AMOTL1: variants seen among roughly 807,000 people sequenced by gnomAD.
AMOTL1 encodes angiomotin like 1.
AMOTL1 carries 45 observed loss-of-function variants against 102.9 expected under a neutral mutation model. That is an observed-to-expected ratio of 0.44 (90% confidence interval 0.34 to 0.56). The LOEUF is 0.56. Among genes scored for constraint, AMOTL1 ranks in the 20% least tolerant of loss-of-function variants. The pLI is 0.01. For missense variants in AMOTL1, 1,114 were observed against 1,225.6 expected, an observed-to-expected ratio of 0.91 and a Z score of 1.36; for synonymous variants, 481 against 484.7, an observed-to-expected ratio of 0.99 and a Z score of 0.10.
At chr11:94,833,477 T>A (rs1033455272) in intron 6 of AMOTL1, among the ~76,000 whole-genome samples, 4 of 152,266 alleles carry the variant, frequency 2.6e-5, no homozygotes, top group Non-Finnish European at 5.9e-5. Flanking sequence ...CAGTTGTTTT[T>A]AATCTTTGTT....
chr11:94,865,836 G>A (rs1952871347), intron 10 of AMOTL1, 106 bp from the exon 11 acceptor site: 14 of 940,718 alleles, frequency 1.5e-5, no homozygotes, highest in Non-Finnish European at 2.1e-5. Context: ...GCTTCATCCT[G>A]TATCCCTAAA....
rs758755688 is a variant in AMOTL1, at chr11:94,869,215, G to C, written c.2506G>C (p.Glu836Gln). 3 of 1,597,340 alleles carry C rather than the reference G, an allele frequency of 1.9e-6. No individual in the cohort carries two copies. The highest frequency in any genetic ancestry group is 2.7e-5 in the African/African-American group (2 of 74,368). The change falls in exon 12 of 13, where the codon GAG (glutamate) becomes CAG (glutamine). Residue 836 changes from glutamate (E) to glutamine (Q), a missense_variant. Transcript: ENST00000433060. ...KGSIGLLLGKEHHEHASAPLL... is the reference protein window; with the variant it reads ...KGSIGLLLGKQHHEHASAPLL... Reference sequence around the variant, plus strand: ...GCCCTCAGGATTGCTGCTGGGGAAGGAGCACCATGAGCATGCCTCTGCCCC... The same window carrying C: ...GCCCTCAGGATTGCTGCTGGGGAAGCAGCACCATGAGCATGCCTCTGCCCC...
chr11:94,706,922 A>T (rs1949937762), intron 1 of AMOTL1, among the ~76,000 whole-genome samples: 1 of 152,156 alleles, frequency 6.6e-6, no homozygotes. Flanking sequence ...GGCTAGGGCC[A>T]TCCATACCTC....
At chr11:94,742,327 T>C (rs1036796927) in intron 3 of AMOTL1, among the ~76,000 whole-genome samples, 1 of 152,258 alleles carries the variant, frequency 6.6e-6, no homozygotes, top group African/African-American at 2.4e-5. Flanking sequence ...AATTGTATGT[T>C]AATGACACCA....
intron 2 of AMOTL1, among the ~76,000 whole-genome samples, chr11:94,729,334 G>C (rs1317837608): frequency 1.3e-5 from 2 of 152,152 alleles, no homozygotes; most frequent in East Asian, 1.9e-4. Flanking sequence ...AGGACCATCA[G>C]CTGTCATGTA....
At position 94,859,504 on chromosome 11, in the gene AMOTL1, A is replaced by G. The variant is rs771593232; in HGVS notation, c.1945-21A>G. On this transcript the variant is annotated intron_variant, in intron 8 of 12. Transcript: ENST00000433060. The stretch of plus-strand genomic sequence containing the variant: ...CATTGATGTGGTTTTGAGCATCAAG[A>G]TTTTTTTTCTACTCCTTCAGAAACA... The G allele has an allele frequency of 2.6e-5, 41 of 1,598,168 alleles. No individual in the cohort carries two copies. In the Admixed American group the frequency reaches 6.0e-4, roughly 23 times the overall value.
rs998534076 is a variant in AMOTL1, at chr11:94,799,600, A to G, written c.410A>G (p.Asn137Ser). Residue 137 changes from asparagine to serine, a missense_variant, in exon 3 of 13, where the codon AAC (asparagine) becomes AGC (serine). Physicochemically the swap from Asn to Ser is conservative, Grantham distance 46. Coordinates refer to ENST00000433060, the MANE Select transcript of AMOTL1 (RefSeq NM_130847.3). This position sits in a 1 kb window ranked among gnomAD's most constrained non-coding sequence, Gnocchi z 4.5. The stretch of plus-strand genomic sequence containing the variant: ...GCAGGACCAGCCCATCCTACAAACA[A>G]CTTTTCTTCCACGGAAAACCTCACT... ...GSAGPAHPTNNFSSTENLTQE... is the reference protein window; with the variant it reads ...GSAGPAHPTNSFSSTENLTQE... The G allele has an allele frequency of 4.3e-6, 7 of 1,613,778 alleles. No homozygotes were observed. The Admixed American group carries it at 6.7e-5, about 15-fold the overall frequency.
intron 1 of AMOTL1, among the ~76,000 whole-genome samples, chr11:94,775,262 C>T (rs1206637671): frequency 2.0e-5 from 3 of 152,132 alleles, no homozygotes; most frequent in African/African-American, 7.2e-5. Flanking sequence ...TAGACATATG[C>T]AGGGACCATG....
chr11:94,816,546 T>A (rs1197309660), intron 3 of AMOTL1, among the ~76,000 whole-genome samples: 1 of 152,212 alleles, frequency 6.6e-6, no homozygotes, highest in African/African-American at 2.4e-5. Context: ...CATTTTATAT[T>A]TTATTGAAAT....
At chr11:94,738,992 G>A (rs11020933) in intron 2 of AMOTL1, among the ~76,000 whole-genome samples, 8,190 of 152,170 alleles carry the variant, frequency 0.054, 495 homozygotes, top group East Asian at 0.17. Flanking sequence ...CTATGTAGAT[G>A]GAGAAAAATA....
chr11:94,841,145 A>G (rs1371879419), intron 6 of AMOTL1, among the ~76,000 whole-genome samples: 1 of 152,126 alleles, frequency 6.6e-6, no homozygotes, highest in Non-Finnish European at 1.5e-5. Flanking sequence ...TTATGTTAAG[A>G]AAAGAGAAGG....
chr11:94,867,898 G>A (rs1952914632), intron 11 of AMOTL1, among the ~76,000 whole-genome samples: 1 of 152,234 alleles, frequency 6.6e-6, no homozygotes, highest in African/African-American at 2.4e-5. Flanking sequence ...CATTTCTGCT[G>A]CTTCTTAGCT....
intron 3 of AMOTL1, among the ~76,000 whole-genome samples, chr11:94,757,269 T>C (rs374532585): frequency 6.6e-6 from 1 of 152,310 alleles, no homozygotes; most frequent in East Asian, 1.9e-4. Flanking sequence ...AGTTAAGCAC[T>C]GGACTAAGAG....
chr11:94,723,481 T>C (rs2135447589), intron 1 of AMOTL1, among the ~76,000 whole-genome samples: 1 of 152,250 alleles, frequency 6.6e-6, no homozygotes, highest in South Asian at 2.1e-4. Context: ...CCACAACTCC[T>C]TAGAGAGAAG....
intron 3 of AMOTL1, among the ~76,000 whole-genome samples, chr11:94,748,729 A>G (rs1351987488): frequency 2.0e-5 from 3 of 152,168 alleles, no homozygotes; most frequent in Non-Finnish European, 2.9e-5. Context: ...ACCATCCTTT[A>G]TCACTCTTCT....
Position 94,800,135 on chromosome 11 carries a change from C to G in AMOTL1, c.945C>G (p.Phe315Leu), listed in dbSNP as rs1253786505. 1 of 1,613,956 alleles carries G rather than the reference C, an allele frequency of 6.2e-7. No individual in the cohort carries two copies. Among genetic ancestry groups the G allele is most frequent in the South Asian group, 1.1e-5 (1 of 91,076 alleles). ...DPRGPPPEYPFKTKQMMSPVS... is the reference protein window; with the variant it reads ...DPRGPPPEYPLKTKQMMSPVS... ...GGGGTCCTCCACCTGAGTACCCCTT[C>G]AAGACCAAGCAAATGATGTCCCCAG... The change falls in exon 3 of 13, where the codon TTC becomes TTG. Residue 315 changes from phenylalanine to leucine, a missense_variant. Transcript: ENST00000433060.
chr11:94,850,839 A>G (rs566050972), intron 7 of AMOTL1, among the ~76,000 whole-genome samples: 8 of 152,302 alleles, frequency 5.3e-5, no homozygotes, highest in South Asian at 2.1e-4. Flanking sequence ...CCCAAAGTCT[A>G]TAAGAGTCTT....
At chr11:94,732,191 G>A (rs561515683) in intron 2 of AMOTL1, among the ~76,000 whole-genome samples, 1 of 152,328 alleles carries the variant, frequency 6.6e-6, no homozygotes, top group South Asian at 2.1e-4. Flanking sequence ...GCCCTGGAGT[G>A]TCCAAACCTT....
At chr11:94,730,186 C>G (rs980590954) in intron 2 of AMOTL1, among the ~76,000 whole-genome samples, 7 of 152,158 alleles carry the variant, frequency 4.6e-5, no homozygotes, top group African/African-American at 1.7e-4. Flanking sequence ...GTTCAACACA[C>G]AGCCCTTCCA....
Sources: allele counts gnomAD v4.1 joint callset (sites outside exome capture counted in the v4.1 genomes callset), GRCh38; gene constraint gnomAD v4.1.1; non-coding constraint Gnocchi (gnomAD v3.1); transcripts MANE v1.5; gene names NCBI Gene and HGNC (gene_info 2026-07-23, HGNC 2026-07-21).